Variants in TJP1 observed in about 807,000 individuals in gnomAD.
TJP1 encodes the protein tight junction protein ZO-1.
TJP1 carries 43 observed loss-of-function variants against 194.2 expected under a neutral mutation model. That is an observed-to-expected ratio of 0.22 (90% CI 0.17 to 0.29). TJP1 has a LOEUF of 0.29. Among genes scored for constraint, TJP1 ranks in the 10% least tolerant of loss-of-function variants. TJP1 has a pLI of 1.00. For missense variants in TJP1, 1,971 were observed against 2,185.7 expected, an observed-to-expected ratio of 0.90 and a Z score of 1.96; for synonymous variants, 801 against 779.0, an observed-to-expected ratio of 1.03 and a Z score of -0.47.
intron 2 of TJP1, among the ~76,000 whole-genome samples, chr15:29,849,787 C>T (rs1378855848): frequency 6.6e-6 from 1 of 151,606 alleles, no homozygotes; most frequent in East Asian, 1.9e-4. Context: ...ATTGTCCAGG[C>T]TGGTCTTGAA....
intron 2 of TJP1, among the ~76,000 whole-genome samples, chr15:29,869,875 C>CGGCTCACTG (rs2152116257): frequency 7.5e-6 from 1 of 132,766 alleles, no homozygotes; most frequent in Non-Finnish European, 1.5e-5. Flanking sequence ...GGCGCGATCT[C>CGGCTCACTG]GGCTCACTGC....
chr15:29,915,466 A>T (rs1257453409), intron 2 of TJP1, among the ~76,000 whole-genome samples: 1 of 152,186 alleles, frequency 6.6e-6, no homozygotes, highest in Non-Finnish European at 1.5e-5. Context: ...CTCCCTTCCA[A>T]CTGGAAAATC....
chr15:29,756,468 T>G (rs999426412), intron 8 of TJP1, among the ~76,000 whole-genome samples: 3 of 152,212 alleles, frequency 2.0e-5, no homozygotes, highest in African/African-American at 7.2e-5. Flanking sequence ...ATTATGCCAT[T>G]GTGGAATGGG....
At chr15:29,961,377 T>TGTC (rs1306522096) in intron 1 of TJP1, among the ~76,000 whole-genome samples, 53 of 132,116 alleles carry the variant, frequency 4.0e-4, no homozygotes, top group African/African-American at 1.3e-3. Context: ...AGTCTCGCTC[T>TGTC]GTCGCCCAGG....
At chr15:29,926,614 G>GAA (rs56803797) in intron 2 of TJP1, among the ~76,000 whole-genome samples, 249 of 113,988 alleles carry the variant, frequency 2.2e-3, no homozygotes, top group Non-Finnish European at 3.3e-3. Context: ...CTCCATTTCA[G>GAA]AAAAAAAAAA....
chr15:29,827,857 TTC>T (rs2050723055), intron 2 of TJP1, among the ~76,000 whole-genome samples: 1 of 152,170 alleles, frequency 6.6e-6, no homozygotes, highest in Non-Finnish European at 1.5e-5. Flanking sequence ...GCAGATACTG[TTC>T]TGTCAGTTTG....
chr15:29,828,319 G>A (rs962281002), intron 2 of TJP1, among the ~76,000 whole-genome samples: 23 of 151,826 alleles, frequency 1.5e-4, no homozygotes, highest in Admixed American at 3.9e-4. Flanking sequence ...TTTTAAAATG[G>A]CTGTTTAGTA....
At chr15:29,824,118 T>A (rs28587355), upstream of TJP1, 38,671 of 51,760 alleles carry the variant, frequency 0.75, 14,658 homozygotes, top group East Asian at 0.91. Context: ...AAAAAAAAAA[T>A]GGTGGCCAGG....
chr15:29,784,425 A>G (rs1022374842), intron 2 of TJP1, among the ~76,000 whole-genome samples: 4 of 151,824 alleles, frequency 2.6e-5, no homozygotes. Context: ...TCAGCCTCCC[A>G]AGTAGCTGGG....
rs757793292 is a variant in TJP1 at position 29,734,353 on chromosome 15, T to C, written c.1437A>G (p.Ile479Met). Residue 479 changes from isoleucine (I) to methionine (M), a missense_variant, in exon 12 of 28, where the codon ATA becomes ATG. Transcript: ENST00000614355. ...GCAGGAAAAGGACGGCTTCTTCTCT[T>C]ATGATATTTGTAAAATCTACGTTGT... ...RVNNVDFTNI[I>M]REEAVLFLLD... is the part of the protein sequence containing the mutation. 2 of 1,613,198 alleles carry C rather than the reference T, an allele frequency of 1.2e-6. No individual in the cohort carries two copies. Among genetic ancestry groups the C allele is most frequent in the Non-Finnish European group, 1.7e-6 (2 of 1,179,632 alleles).
intron 2 of TJP1, among the ~76,000 whole-genome samples, chr15:29,893,732 G>A (rs2053387571): frequency 6.7e-6 from 1 of 148,790 alleles, no homozygotes; most frequent in South Asian, 2.2e-4. Context: ...ATAGTATAGT[G>A]CAAACATATT....
intron 2 of TJP1, among the ~76,000 whole-genome samples, chr15:29,951,051 A>G (rs554889344): frequency 3.7e-4 from 56 of 152,364 alleles, no homozygotes; most frequent in Middle Eastern, 3.4e-3. Context: ...TTGATCAATT[A>G]CATGCATCAA....
At chr15:29,773,459 T>A in intron 2 of TJP1, 102 bp from the exon 3 acceptor site, 1 of 1,172,778 alleles carries the variant, frequency 8.5e-7, no homozygotes, top group Non-Finnish European at 1.2e-6. Context: ...ATTACAATCT[T>A]AATATATCTG....
intron 2 of TJP1, among the ~76,000 whole-genome samples, chr15:29,906,903 G>T (rs1233399199): frequency 6.6e-6 from 1 of 151,780 alleles, no homozygotes; most frequent in Non-Finnish European, 1.5e-5. Context: ...TGATGATAAG[G>T]TTATTCAAGA....
At chr15:29,720,806 G>A in intron 18 of TJP1, 98 bp from the exon 19 acceptor site, 1 of 993,586 alleles carries the variant, frequency 1.0e-6, no homozygotes, top group African/African-American at 1.6e-5. Context: ...TCTTTCTCTG[G>A]AGAAGTCACA....
At chr15:29,729,823 A>C (rs1463327963) in intron 15 of TJP1, among the ~76,000 whole-genome samples, 1 of 117,486 alleles carries the variant, frequency 8.5e-6, no homozygotes, top group East Asian at 2.5e-4. Flanking sequence ...ACTCTGTTTC[A>C]AAAAAAAAAA....
chr15:29,876,878 C>A (rs1436646505), intron 2 of TJP1, among the ~76,000 whole-genome samples: 1 of 152,174 alleles, frequency 6.6e-6, no homozygotes, highest in Non-Finnish European at 1.5e-5. Flanking sequence ...AAACTGTTCC[C>A]AACCTTTTCC....
intron 2 of TJP1, among the ~76,000 whole-genome samples, chr15:29,790,764 T>C (rs1436930612): frequency 1.3e-5 from 2 of 151,862 alleles, no homozygotes; most frequent in Non-Finnish European, 2.9e-5. Context: ...TTTTTTTTTT[T>C]TTTTAGTTCC....
intron 15 of TJP1, among the ~76,000 whole-genome samples, chr15:29,731,465 T>C (rs2043654474): frequency 6.6e-6 from 1 of 152,208 alleles, no homozygotes; most frequent in African/African-American, 2.4e-5. Flanking sequence ...AGATGGCACC[T>C]GTCAAAAGAG....
Sources: allele counts gnomAD v4.1 joint callset (sites outside exome capture counted in the v4.1 genomes callset), GRCh38; gene constraint gnomAD v4.1.1; transcripts MANE v1.5; gene names NCBI Gene and HGNC (gene_info 2026-07-23, HGNC 2026-07-21).